HMCN1: variants seen among roughly 807,000 people sequenced by gnomAD.
The protein encoded by HMCN1 is hemicentin 1, also known as hemicentin-1.
Under a neutral mutation model 625.9 loss-of-function variants are expected in HMCN1, and 321 were observed. That is an observed-to-expected ratio of 0.51 (90% CI 0.47 to 0.56). HMCN1 has a LOEUF of 0.56. Among genes scored for constraint, HMCN1 ranks in the 20% least tolerant of loss-of-function variants. The pLI is 0.00. For missense variants in HMCN1, 6,588 were observed against 6,887.3 expected, an observed-to-expected ratio of 0.96 and a Z score of 1.54; for synonymous variants, 2,425 against 2,417.6, an observed-to-expected ratio of 1.00 and a Z score of -0.09.
chr1:186,088,843 TA>T (rs1659681231), intron 63 of HMCN1, 88 bp downstream of exon 63: 1 of 1,280,014 alleles, frequency 7.8e-7, no homozygotes, highest in Non-Finnish European at 1.1e-6. Context: ...GTATCAGTAG[TA>T]ATTGATTCAA....
Position 186,152,731 on chromosome 1 carries a change from A to AAG in HMCN1, c.14897-18_14897-17insGA. ...ACCATATTTTTTTGCTGTCAAAATG[A>AAG]ATGTCTTGTAATTCCCAGGAGAAAT... On this transcript the variant is annotated intron_variant, in intron 95 of 106. Transcript: ENST00000271588. The AAG allele has an allele frequency of 6.2e-7, 1 of 1,613,466 alleles. No homozygotes were observed. The highest frequency in any genetic ancestry group is 8.5e-7 in the Non-Finnish European group (1 of 1,179,484).
intron 14 of HMCN1, among the ~76,000 whole-genome samples, chr1:185,966,374 A>G (rs1238210264): frequency 2.0e-5 from 3 of 152,204 alleles, no homozygotes; most frequent in African/African-American, 4.8e-5. Context: ...CAAATTATTT[A>G]TTGATAGGTC....
At position 185,864,620 on chromosome 1, in the gene HMCN1, C is replaced by G. The variant is rs758888242; in HGVS notation, c.490C>G (p.Gln164Glu). Residue 164 changes from glutamine (Q) to glutamate (E), a missense_variant, in exon 3 of 107, where the codon CAG becomes GAG. Physicochemically the swap from Gln to Glu is conservative, Grantham distance 29 (BLOSUM62 2). Coordinates refer to ENST00000271588, the MANE Select transcript of HMCN1 (RefSeq NM_031935.3). Reference sequence around the variant, plus strand: ...GGTGCTGCAACTTATCCAACAGAAACAGTCACAAGTGAGTAAGAATCAACC... The same window carrying G: ...GGTGCTGCAACTTATCCAACAGAAAGAGTCACAAGTGAGTAAGAATCAACC... ...HEVLQLIQQKQSQVVFVLTGD... is the reference protein window; with the variant it reads ...HEVLQLIQQKESQVVFVLTGD... 8 of 1,613,946 alleles carry G rather than the reference C, an allele frequency of 5.0e-6. No homozygotes were observed. The highest frequency in any genetic ancestry group is 6.8e-6 in the Non-Finnish European group (8 of 1,179,910).
At chr1:185,830,455 T>G (rs1660789824) in intron 1 of HMCN1, among the ~76,000 whole-genome samples, 1 of 152,174 alleles carries the variant, frequency 6.6e-6, no homozygotes, top group Non-Finnish European at 1.5e-5. Context: ...TCAATTTCAG[T>G]TTTCTGCATA....
chr1:186,045,059 T>C (rs1656472811), intron 40 of HMCN1, among the ~76,000 whole-genome samples: 1 of 152,170 alleles, frequency 6.6e-6, no homozygotes, highest in African/African-American at 2.4e-5. Flanking sequence ...GTTGTACAGC[T>C]GGTCATTGAA....
At chr1:185,831,056 A>T (rs947439971) in intron 1 of HMCN1, among the ~76,000 whole-genome samples, 3 of 152,218 alleles carry the variant, frequency 2.0e-5, no homozygotes, top group African/African-American at 7.2e-5. Flanking sequence ...GGGAACAGGT[A>T]AATGATGTGA....
chr1:186,190,536 A>G lies in HMCN1; in HGVS notation c.*658A>G. 1 of 202,268 alleles carries G rather than the reference A, an allele frequency of 4.9e-6. No individual in the cohort carries two copies. The highest frequency in any genetic ancestry group is 1.0e-5 in the Non-Finnish European group (1 of 98,196). The allele number at this position is 202,268 out of a possible 1,614,324, so 12.5% of individuals were successfully genotyped here. A position where few individuals can be genotyped will look rare whatever the true frequency, so the allele number is the denominator to read the frequency against. ...GAGATCAGCTGAACCACTTATGATA[A>G]TAATAATAAAAAAGACTGCTTTGCC... On this transcript the variant is annotated 3_prime_UTR_variant, in exon 107 of 107. Coordinates refer to ENST00000271588, the MANE Select transcript of HMCN1 (RefSeq NM_031935.3).
At chr1:186,071,556 T>C (rs1243785038) in intron 52 of HMCN1, among the ~76,000 whole-genome samples, 1 of 152,166 alleles carries the variant, frequency 6.6e-6, no homozygotes, top group African/African-American at 2.4e-5. Flanking sequence ...GTTTGTCCTG[T>C]TTTACACATA....
At position 186,115,410 on chromosome 1, in the gene HMCN1, T is replaced by C. The variant is rs1231650755; in HGVS notation, c.11557T>C (p.Tyr3853His). 3.7e-6 allele frequency: 6 copies of C among 1,612,588 alleles called. No individual in the cohort carries two copies. The highest frequency in any genetic ancestry group is 2.2e-5 in the East Asian group (1 of 44,850). ...TAATGTGGATCAAAATCAGAACTCATACAGGTAAGGATAATTTAAAACTCC... is the reference window on the plus strand; with the variant it reads ...TAATGTGGATCAAAATCAGAACTCACACAGGTAAGGATAATTTAAAACTCC... ...LLNVDQNQNS[Y>H]RLLSSGSLVI... The change falls in exon 75 of 107, where the codon TAC (tyrosine) becomes CAC (histidine). Residue 3853 changes from tyrosine (Y) to histidine (H), a missense_variant. Physicochemically the swap from Tyr to His is moderately conservative, Grantham distance 83. This residue lies in a region of HMCN1 where 4,628 missense variants were observed against 4,853.1 expected (regional missense o/e 0.95). Transcript: ENST00000271588.
intron 2 of HMCN1, among the ~76,000 whole-genome samples, chr1:185,853,080 C>A (rs926908152): frequency 1.3e-5 from 2 of 151,974 alleles, no homozygotes; most frequent in Non-Finnish European, 1.5e-5. Context: ...GTTTAAATAA[C>A]CTTATTGATC....
rs1335655385 is a variant in HMCN1 at position 186,130,637 on chromosome 1, T to C, written c.13170T>C (p.Ile4390=). 1 of 1,613,488 alleles carries C rather than the reference T, an allele frequency of 6.2e-7. No individual in the cohort carries two copies. The highest frequency in any genetic ancestry group is 8.5e-7 in the Non-Finnish European group (1 of 1,179,652). The change falls in exon 85 of 107, where the codon ATT becomes ATC. Residue 4390 remains isoleucine (I), a synonymous_variant. Coordinates refer to ENST00000271588, the MANE Select transcript of HMCN1 (RefSeq NM_031935.3). ...AGTGGAACAGAAAGGGAGTGGATATTGAAATTAGCCACAGAATCCGGCAAC... is the reference window on the plus strand; with the variant it reads ...AGTGGAACAGAAAGGGAGTGGATATCGAAATTAGCCACAGAATCCGGCAAC... The part of the protein sequence containing the change: ...TIQWNRKGVD[I]EISHRIRQLG...
chr1:186,161,931 T>C (rs11577635), intron 97 of HMCN1, among the ~76,000 whole-genome samples: 13,294 of 151,880 alleles, frequency 0.088, 1,595 homozygotes, highest in African/African-American at 0.27. Context: ...ATCTTTGTGG[T>C]GTTCTCTGTA....
At chr1:186,099,232 C>T (rs889767831) in intron 68 of HMCN1, among the ~76,000 whole-genome samples, 4 of 151,942 alleles carry the variant, frequency 2.6e-5, no homozygotes, top group Non-Finnish European at 4.4e-5. Flanking sequence ...TTGATAATTA[C>T]ACAATGTATA....
At chr1:185,861,915 T>A (rs1165933024) in intron 2 of HMCN1, among the ~76,000 whole-genome samples, 1 of 152,160 alleles carries the variant, frequency 6.6e-6, no homozygotes, top group East Asian at 1.9e-4. Flanking sequence ...ATTCAAGGAC[T>A]CAGCAAAGCA....
chr1:186,189,609 A>T lies in HMCN1; in HGVS notation c.16639A>T (p.Thr5547Ser), dbSNP rs147413000. 3.1e-6 allele frequency: 5 copies of T among 1,613,352 alleles called. No homozygotes were observed. In the African/African-American group the frequency reaches 5.3e-5, roughly 17 times the overall value. Residue 5547 changes from threonine (T) to serine (S), a missense_variant, in exon 107 of 107, where the codon ACC becomes TCC. Thr to Ser is a moderately conservative substitution (Grantham distance 58, BLOSUM62 1). This residue lies in a region of HMCN1 where 1,954 missense variants were observed against 2,013.1 expected (regional missense o/e 0.97). Transcript: ENST00000271588. ...KLVSLPFGIA[T>S]NQDLIRLVAY... ...CGTCTCCCTCCCATTTGGAATAGCC[A>T]CCAATCAAGATTTAATCCGGCTGGT...
intron 1 of HMCN1, among the ~76,000 whole-genome samples, chr1:185,777,462 T>C (rs964516502): frequency 2.0e-5 from 3 of 151,592 alleles, no homozygotes; most frequent in Non-Finnish European, 4.4e-5. Context: ...TTTTCTTTTT[T>C]TTTTTTCTGA....
chr1:186,086,681 A>T (rs1166637554), intron 58 of HMCN1, among the ~76,000 whole-genome samples: 6 of 152,104 alleles, frequency 3.9e-5, no homozygotes, highest in African/African-American at 1.4e-4. Flanking sequence ...CAAGTGGTAG[A>T]TGGCAAATAG....
rs75515573 is a variant in HMCN1, at chr1:186,085,030, C to T, written c.8885-1216C>T. Among the ~76,000 whole-genome samples the T allele has an allele frequency of 7.0e-3, 1,060 of 152,252 alleles. 13 individuals carry two copies. Among genetic ancestry groups the T allele is most frequent in the African/African-American group, 0.024 (985 of 41,544 alleles). ...CCTCTCACTAAATTCCACATCTGTA[C>T]GCTACCTGCACTTAGGTAGCTCACC... On this transcript the variant is annotated intron_variant, in intron 57 of 106. Coordinates refer to ENST00000271588, the MANE Select transcript of HMCN1 (RefSeq NM_031935.3).
At chr1:185,958,609 C>T (rs1649789992) in intron 11 of HMCN1, among the ~76,000 whole-genome samples, 1 of 152,138 alleles carries the variant, frequency 6.6e-6, no homozygotes, top group Non-Finnish European at 1.5e-5. Flanking sequence ...TACATCGTGC[C>T]TACTACATGC....
Sources: allele counts gnomAD v4.1 joint callset (sites outside exome capture counted in the v4.1 genomes callset), GRCh38; gene constraint gnomAD v4.1.1; regional missense constraint gnomAD v4.1.1; transcripts MANE v1.5; gene names NCBI Gene and HGNC (gene_info 2026-07-23, HGNC 2026-07-21).